Variants in CSMD1 observed in about 807,000 individuals in gnomAD.
CSMD1 encodes CUB and Sushi multiple domains 1.
CSMD1 carries 213 observed loss-of-function variants against 417.5 expected under a neutral mutation model. The observed-to-expected ratio is 0.51, with a 90% CI of 0.46 to 0.57. CSMD1 has a LOEUF of 0.57. Ranked by LOEUF, CSMD1 falls within the 20% of genes least tolerant of loss-of-function variation. The pLI is 0.00. For missense variants in CSMD1, 6,923 were observed against 4,529.7 expected, an observed-to-expected ratio of 1.53 and a Z score of -15.17; for synonymous variants, 2,862 against 1,736.8, an observed-to-expected ratio of 1.65 and a Z score of -16.11.
Position 4,394,363 on chromosome 8 carries a change from G to A in CSMD1, c.415+25590C>T, listed in dbSNP as rs568913420. ...TATTCTCTTGGGTTCTAAATGTCCTGTTTCCATCATGAGCTCCACTAGAAA... is the reference window on the plus strand; with the variant it reads ...TATTCTCTTGGGTTCTAAATGTCCTATTTCCATCATGAGCTCCACTAGAAA... On this transcript the variant is annotated intron_variant, in intron 3 of 69. Coordinates refer to ENST00000635120, the MANE Select transcript of CSMD1 (RefSeq NM_033225.6). Among the ~76,000 whole-genome samples, 11 of 152,278 alleles carry A rather than the reference G, an allele frequency of 7.2e-5. No individual in the cohort carries two copies. In the East Asian group the frequency reaches 1.9e-3, roughly 27 times the overall value.
At chr8:3,370,840 G>C (rs867373254) in intron 18 of CSMD1, among the ~76,000 whole-genome samples, 2 of 152,128 alleles carry the variant, frequency 1.3e-5, no homozygotes, top group African/African-American at 4.8e-5. Flanking sequence ...GCCAGGCATA[G>C]TGGCAGAAGC....
At chr8:4,382,271 A>G (rs1022439731) in intron 3 of CSMD1, among the ~76,000 whole-genome samples, 1 of 152,212 alleles carries the variant, frequency 6.6e-6, no homozygotes, top group East Asian at 1.9e-4. Context: ...ACCTGACAGC[A>G]CTGGGGCTTA....
intron 5 of CSMD1, among the ~76,000 whole-genome samples, chr8:3,968,993 G>A (rs1051837905): frequency 6.6e-6 from 1 of 152,182 alleles, no homozygotes. Context: ...GCTCATACCT[G>A]TACTATCAGC....
intron 3 of CSMD1, among the ~76,000 whole-genome samples, chr8:4,301,574 A>C (rs957718028): frequency 6.6e-6 from 1 of 152,196 alleles, no homozygotes; most frequent in Non-Finnish European, 1.5e-5. Context: ...AAGTCTGCTC[A>C]ATTATTATTT....
intron 5 of CSMD1, among the ~76,000 whole-genome samples, chr8:3,884,121 C>G (rs1163131782): frequency 1.3e-5 from 2 of 152,130 alleles, no homozygotes; most frequent in Non-Finnish European, 2.9e-5. Flanking sequence ...TTAACAATGT[C>G]AGTTTCGAAT....
chr8:4,766,329 T>G (rs779885268), intron 1 of CSMD1, among the ~76,000 whole-genome samples: 1 of 152,142 alleles, frequency 6.6e-6, no homozygotes, highest in Non-Finnish European at 1.5e-5. Flanking sequence ...ATGCATGATG[T>G]GGGGGCCTGG....
At position 4,637,353 on chromosome 8, in the gene CSMD1, A is replaced by C. The variant is rs1309251953; in HGVS notation, c.291T>G (p.Asn97Lys). 6.2e-7 allele frequency: 1 copy of C among 1,613,100 alleles called. No homozygotes were observed. The highest frequency in any genetic ancestry group is 1.7e-5 in the Admixed American group (1 of 59,996). ...AGTTGATACCTTACCTCACTTTTAA[A>C]TTCCCTTGTTGAGGCTGTCCATCGT... is the stretch of plus-strand genomic sequence containing the variant. ...SVYDGQPQQG[N>K]LKVRLSGFQL... is the part of the protein sequence containing the mutation. Residue 97 changes from asparagine to lysine, a missense_variant, in exon 2 of 70, where the codon AAT becomes AAG. Asn to Lys is a moderately conservative substitution (Grantham distance 94). Transcript: ENST00000635120.
chr8:4,302,205 C>G (rs992297084), intron 3 of CSMD1, among the ~76,000 whole-genome samples: 2 of 152,044 alleles, frequency 1.3e-5, no homozygotes, highest in Non-Finnish European at 2.9e-5. Flanking sequence ...AAAAACAAAG[C>G]TTTAAATAGA....
intron 2 of CSMD1, among the ~76,000 whole-genome samples, chr8:4,568,751 C>T (rs10866973): frequency 0.65 from 99,257 of 151,892 alleles, 32,590 homozygotes; most frequent in Non-Finnish European, 0.68. Flanking sequence ...TGTAAAAGCG[C>T]TCCTAATTCT....
chr8:4,461,056 T>C (rs1174853630), intron 2 of CSMD1, among the ~76,000 whole-genome samples: 1 of 152,138 alleles, frequency 6.6e-6, no homozygotes, highest in Non-Finnish European at 1.5e-5. Flanking sequence ...TAAAGCATTA[T>C]ATACTGTGTC....
At chr8:4,264,725 C>G (rs1361608746) in intron 3 of CSMD1, among the ~76,000 whole-genome samples, 3 of 152,098 alleles carry the variant, frequency 2.0e-5, no homozygotes, top group Non-Finnish European at 2.9e-5. Flanking sequence ...ATTAACTGCC[C>G]AGGGGTAGGG....
At chr8:4,145,377 T>A (rs1804049525) in intron 3 of CSMD1, among the ~76,000 whole-genome samples, 1 of 151,018 alleles carries the variant, frequency 6.6e-6, no homozygotes, top group Admixed American at 6.6e-5. Context: ...GTCCCAAACA[T>A]TATATACTAT....
intron 28 of CSMD1, among the ~76,000 whole-genome samples, chr8:3,222,485 A>AT (rs530035032): frequency 2.6e-5 from 4 of 152,114 alleles, no homozygotes; most frequent in Non-Finnish European, 5.9e-5. Flanking sequence ...AATTTTTAAA[A>AT]TTTTTTGTAG....
chr8:4,131,035 C>T (rs1253322112), intron 3 of CSMD1, among the ~76,000 whole-genome samples: 4 of 152,080 alleles, frequency 2.6e-5, no homozygotes, highest in Non-Finnish European at 5.9e-5. Context: ...CTGGCTCAAG[C>T]GTGATTGGAT....
intron 3 of CSMD1, among the ~76,000 whole-genome samples, chr8:4,190,253 CAAAAAAAAAAAA>C (rs11397581): frequency 3.0e-5 from 2 of 67,058 alleles, no homozygotes; most frequent in Non-Finnish European, 3.0e-5. Context: ...ACTCCGTCTC[CAAAAAAAAAAAA>C]AAAAAAAAAA....
intron 5 of CSMD1, among the ~76,000 whole-genome samples, chr8:3,905,308 T>C (rs1487642938): frequency 6.6e-6 from 1 of 152,196 alleles, no homozygotes; most frequent in African/African-American, 2.4e-5. Context: ...TAAAGAAGGT[T>C]AGTGACAGGT....
intron 5 of CSMD1, among the ~76,000 whole-genome samples, chr8:3,814,325 G>C (rs750268053): frequency 3.9e-5 from 6 of 152,120 alleles, no homozygotes; most frequent in East Asian, 3.9e-4. Context: ...CTGCAAACCA[G>C]AGCCAGTTAT....
chr8:4,775,328 G>A (rs979760354), intron 1 of CSMD1, among the ~76,000 whole-genome samples: 1 of 152,146 alleles, frequency 6.6e-6, no homozygotes, highest in Non-Finnish European at 1.5e-5. Flanking sequence ...ATGTAGCAGT[G>A]AATAGATGGA....
chr8:3,501,634 A>T (rs1036855357), intron 10 of CSMD1, among the ~76,000 whole-genome samples: 19 of 152,318 alleles, frequency 1.2e-4, no homozygotes, highest in African/African-American at 4.6e-4. Context: ...AATGTATCTG[A>T]TTCATTCCAC....
Sources: allele counts gnomAD v4.1 joint callset (sites outside exome capture counted in the v4.1 genomes callset), GRCh38; gene constraint gnomAD v4.1.1; transcripts MANE v1.5; gene names NCBI Gene and HGNC (gene_info 2026-07-23, HGNC 2026-07-21).